Variants in LY96 observed in about 807,000 individuals in gnomAD.
LY96 encodes lymphocyte antigen 96, also known as myeloid differentiation protein-2.
LY96 carries 18 observed loss-of-function variants against 18.9 expected under a neutral mutation model. The ratio of observed to expected loss-of-function variants is 0.95; its 90% CI spans 0.66 to 1.41. The LOEUF (loss-of-function observed/expected upper bound fraction) is 1.41, where lower values mean the gene tolerates loss of function less well. LY96 is among the 40% of genes most tolerant of loss of function. The pLI is 0.00. For missense variants in LY96, 175 were observed against 182.4 expected (o/e 0.96, Z 0.23); for synonymous variants, 66 against 62.6 (o/e 1.06, Z -0.26).
At chr8:74,090,804 T>A in the LY96 span, among the ~76,000 whole-genome samples, 1 of 152,346 alleles carries the variant, frequency 6.6e-6, no homozygotes, top group East Asian at 1.9e-4. Context: ...AGGACTCTCT[T>A]GGAATTATAT....
chr8:74,027,917 G>T (rs1203381365), intron 4 of LY96, among the ~76,000 whole-genome samples: 4 of 152,178 alleles, frequency 2.6e-5, no homozygotes, highest in African/African-American at 9.7e-5. Context: ...AATCATGGAG[G>T]TTTGAGGAGT....
At chr8:74,021,268 A>G (rs930108129) in intron 3 of LY96, among the ~76,000 whole-genome samples, 15 of 152,250 alleles carry the variant, frequency 9.9e-5, no homozygotes, top group Admixed American at 7.9e-4. Context: ...AAGGATATGA[A>G]CAGACACTTT....
Position 74,006,560 on chromosome 8 carries a change from T to A in LY96, c.202+1675T>A, listed in dbSNP as rs546548601. On this transcript the variant is annotated intron_variant, in intron 2 of 4. Coordinates refer to ENST00000284818, the MANE Select transcript of LY96 (RefSeq NM_015364.5). ...GCAATAGGAGAGACAGAACTGCAGA[T>A]AGTATGGTATAAGTGAAGTGACAGC... Among the ~76,000 whole-genome samples, 4 of 152,252 alleles carry A rather than the reference T, an allele frequency of 2.6e-5. No individual in the cohort carries two copies. In the East Asian group the frequency reaches 5.8e-4, roughly 22 times the overall value.
chr8:74,022,123 T>C (rs1816775121), intron 3 of LY96, among the ~76,000 whole-genome samples: 1 of 151,942 alleles, frequency 6.6e-6, no homozygotes, highest in African/African-American at 2.4e-5. Flanking sequence ...ATATGAGCTT[T>C]CTTGGCAGGC....
At chr8:74,058,425 A>C in the LY96 span, among the ~76,000 whole-genome samples, 1 of 152,216 alleles carries the variant, frequency 6.6e-6, no homozygotes, top group Non-Finnish European at 1.5e-5. Context: ...AGAAAAATTT[A>C]AGTTTACTAG....
chr8:74,088,441 C>A, the LY96 span, among the ~76,000 whole-genome samples: 2 of 152,162 alleles, frequency 1.3e-5, no homozygotes. Flanking sequence ...ATGTCCCTTT[C>A]TTACCTTTCC....
intron 3 of LY96, among the ~76,000 whole-genome samples, chr8:74,022,078 A>AAAAAG (rs775980179): frequency 6.6e-6 from 1 of 152,132 alleles, no homozygotes; most frequent in Non-Finnish European, 1.5e-5. Context: ...AATTTAAAAA[A>AAAAAG]AAAAGAAAAG....
chr8:74,018,036 A>G (rs1816680526), intron 3 of LY96, among the ~76,000 whole-genome samples: 1 of 152,188 alleles, frequency 6.6e-6, no homozygotes, highest in Admixed American at 6.5e-5. Context: ...GACAGGATCA[A>G]ATTCACACAT....
At chr8:73,998,836 G>T (rs765804359) in intron 1 of LY96, among the ~76,000 whole-genome samples, 6 of 152,144 alleles carry the variant, frequency 3.9e-5, no homozygotes, top group Non-Finnish European at 8.8e-5. Flanking sequence ...TTTTTGTCCT[G>T]TTAATGTCTT....
the LY96 span, among the ~76,000 whole-genome samples, chr8:74,066,828 A>G: frequency 6.6e-6 from 1 of 152,258 alleles, no homozygotes; most frequent in African/African-American, 2.4e-5. Flanking sequence ...GATATATCCA[A>G]ATATTTATCC....
chr8:74,051,820 G>A, the LY96 span, among the ~76,000 whole-genome samples: 26 of 152,276 alleles, frequency 1.7e-4, no homozygotes, highest in Non-Finnish European at 3.5e-4. Context: ...CCTAGCTCCA[G>A]AATTGGGAGA....
chr8:73,998,786 T>C (rs1323249006), intron 1 of LY96, among the ~76,000 whole-genome samples: 2 of 152,184 alleles, frequency 1.3e-5, no homozygotes, highest in East Asian at 1.9e-4. Context: ...TTTAGCAACA[T>C]TGTCTTCCAA....
chr8:74,065,610 A>ATATAAACTTG, the LY96 span, among the ~76,000 whole-genome samples: 1 of 152,208 alleles, frequency 6.6e-6, no homozygotes, highest in African/African-American at 2.4e-5. Flanking sequence ...CCCACTTATG[A>ATATAAACTTG]TATAAACTTG....
At chr8:74,043,018 AC>A in the LY96 span, among the ~76,000 whole-genome samples, 1 of 151,664 alleles carries the variant, frequency 6.6e-6, no homozygotes, top group Non-Finnish European at 1.5e-5. Context: ...CTCATGATCC[AC>A]CCACTTCAGC....
the LY96 span, among the ~76,000 whole-genome samples, chr8:74,062,487 CA>C: frequency 4.1e-3 from 628 of 151,902 alleles, 1 homozygote; most frequent in African/African-American, 0.015. Flanking sequence ...TAAGTGAGAA[CA>C]TGCGGTCTTT....
At chr8:74,031,681 G>C (rs1013802130), downstream of LY96, among the ~76,000 whole-genome samples, 3 of 150,936 alleles carry the variant, frequency 2.0e-5, no homozygotes, top group African/African-American at 7.3e-5. Context: ...GACTATTTAA[G>C]AGTTGCTTTA....
the LY96 span, among the ~76,000 whole-genome samples, chr8:74,074,717 A>T: frequency 6.6e-6 from 1 of 152,272 alleles, no homozygotes; most frequent in Admixed American, 6.5e-5. Context: ...GAAAATTTTC[A>T]GTTTCCTTAA....
At chr8:74,026,940 CTT>C (rs1171259241) in intron 4 of LY96, 99 bp downstream of exon 4, 121 of 537,774 alleles carry the variant, frequency 2.3e-4, no homozygotes, top group Non-Finnish European at 2.8e-4. Flanking sequence ...CTTTTTCTTT[CTT>C]TTTTTTTTTT....
At chr8:74,065,187 C>T in the LY96 span, among the ~76,000 whole-genome samples, 1 of 152,156 alleles carries the variant, frequency 6.6e-6, no homozygotes, top group Non-Finnish European at 1.5e-5. Context: ...CTTTCTGGGC[C>T]AAACCAATGT....
Sources: gnomAD v4.1 joint callset for allele counts (sites outside exome capture counted in the v4.1 genomes callset) on GRCh38, gnomAD v4.1.1 for gene constraint, MANE v1.5 for transcripts, NCBI Gene and HGNC (gene_info 2026-07-23, HGNC 2026-07-21) for gene names.